Variants in BMPER observed in about 807,000 individuals in gnomAD.
BMPER encodes the protein BMP binding endothelial regulator.
In BMPER, 45 loss-of-function variants were observed where a neutral mutation model predicts 87.3. The observed-to-expected ratio is 0.52, with a 90% confidence interval of 0.41 to 0.66. The LOEUF (loss-of-function observed/expected upper bound fraction) is 0.66, where lower values mean the gene tolerates loss of function less well. BMPER is among the 30% of genes least tolerant of loss of function. BMPER has a pLI of 0.00. For synonymous variants in BMPER, 326 were observed against 316.2 expected, an observed-to-expected ratio of 1.03 and a Z score of -0.33; for missense variants, 784 against 867.5, an observed-to-expected ratio of 0.90 and a Z score of 1.21.
At chr7:34,040,144 A>G (rs558205797) in intron 6 of BMPER, among the ~76,000 whole-genome samples, 5 of 152,240 alleles carry the variant, frequency 3.3e-5, no homozygotes, top group Non-Finnish European at 7.4e-5. Flanking sequence ...GCTGGAGTAG[A>G]ATGTTGAGAT....
intron 6 of BMPER, among the ~76,000 whole-genome samples, chr7:33,975,737 A>T (rs967960980): frequency 6.6e-6 from 1 of 152,198 alleles, no homozygotes; most frequent in African/African-American, 2.4e-5. Flanking sequence ...TAAAAGGAAA[A>T]TACATGGGGA....
intron 1 of BMPER, 21 bp downstream of exon 1, chr7:33,905,767 G>GGTGGC: frequency 1.1e-6 from 1 of 914,084 alleles, no homozygotes; most frequent in Non-Finnish European, 1.7e-6. Context: ...GGGCGGGAGG[G>GGTGGC]ACCGGCCCTC....
At chr7:33,931,989 C>A (rs1055023976) in intron 2 of BMPER, among the ~76,000 whole-genome samples, 1 of 152,174 alleles carries the variant, frequency 6.6e-6, no homozygotes, top group Non-Finnish European at 1.5e-5. Flanking sequence ...TCCCCAAGAG[C>A]TTGTAGGTTT....
chr7:34,053,891 T>A (rs1030501912), intron 8 of BMPER, among the ~76,000 whole-genome samples: 1 of 152,192 alleles, frequency 6.6e-6, no homozygotes, highest in East Asian at 1.9e-4. Context: ...ATTGTAGTTT[T>A]CTGCATGCAG....
chr7:33,974,808 C>T (rs1289095187), intron 6 of BMPER, 24 bp downstream of exon 6: 2 of 1,609,074 alleles, frequency 1.2e-6, no homozygotes, highest in Admixed American at 1.7e-5. Flanking sequence ...TGGATGTTCC[C>T]AGGGTGTCCT....
rs115923184 is a variant in BMPER at position 34,111,071 on chromosome 7, T to C, written c.1745+24979T>C. 5.9e-3 allele frequency among the ~76,000 whole-genome samples: 906 copies of C among 152,352 alleles called. 8 individuals are homozygous for C. Among genetic ancestry groups the C allele is most frequent in the African/African-American group, 0.021 (879 of 41,590 alleles). ...AGGAAAGTAAATGCTGGGATTTCCA[T>C]AAGAAAGATTGATGCTTAAATTAGT... On this transcript the variant is annotated intron_variant, in intron 13 of 14. Transcript: ENST00000649409.
intron 3 of BMPER, among the ~76,000 whole-genome samples, chr7:33,956,086 A>G (rs773399587): frequency 6.6e-6 from 1 of 152,236 alleles, no homozygotes; most frequent in Non-Finnish European, 1.5e-5. Context: ...TGATTAGGTC[A>G]AAATTAATCA....
At chr7:33,973,897 C>G (rs1197269127) in intron 5 of BMPER, among the ~76,000 whole-genome samples, 2 of 152,146 alleles carry the variant, frequency 1.3e-5, no homozygotes, top group Non-Finnish European at 2.9e-5. Context: ...TTTATGACCT[C>G]TCTTTGGAAT....
intron 13 of BMPER, among the ~76,000 whole-genome samples, chr7:34,123,225 T>C (rs1337351432): frequency 6.6e-6 from 1 of 152,192 alleles, no homozygotes; most frequent in Non-Finnish European, 1.5e-5. Context: ...ACTAAAATTA[T>C]GTATCTTAGT....
At chr7:34,126,564 T>G (rs745789530) in intron 13 of BMPER, among the ~76,000 whole-genome samples, 13 of 152,198 alleles carry the variant, frequency 8.5e-5, no homozygotes, top group Non-Finnish European at 1.8e-4. Context: ...AGAAGGCGTA[T>G]GAGGATGTTT....
intron 3 of BMPER, among the ~76,000 whole-genome samples, chr7:33,940,880 T>TTATATATAATATTATATATATA (rs1784737138): frequency 7.1e-6 from 1 of 140,926 alleles, no homozygotes; most frequent in African/African-American, 2.6e-5. Flanking sequence ...TTATATATAT[T>TTATATATAATATTATATATATA]TATATATAAT....
intron 13 of BMPER, among the ~76,000 whole-genome samples, chr7:34,108,607 C>T (rs1789884294): frequency 6.6e-6 from 1 of 152,092 alleles, no homozygotes; most frequent in African/African-American, 2.4e-5. Flanking sequence ...TTAGTGTATC[C>T]CTGTAAACTT....
chr7:33,997,519 G>C (rs955614163), intron 6 of BMPER, among the ~76,000 whole-genome samples: 6 of 152,190 alleles, frequency 3.9e-5, no homozygotes, highest in African/African-American at 1.4e-4. Flanking sequence ...GCCTTGTGAA[G>C]AAGGTGCTTG....
intron 4 of BMPER, among the ~76,000 whole-genome samples, chr7:33,967,075 T>C (rs571970044): frequency 6.6e-6 from 1 of 152,352 alleles, no homozygotes; most frequent in South Asian, 2.1e-4. Context: ...CCACTGTGGT[T>C]GATCCTATTG....
chr7:34,013,692 C>T (rs1394979666), intron 6 of BMPER, among the ~76,000 whole-genome samples: 2 of 151,806 alleles, frequency 1.3e-5, no homozygotes, highest in Non-Finnish European at 2.9e-5. Flanking sequence ...TCATGAGCTT[C>T]CATCAGGAGG....
intron 11 of BMPER, among the ~76,000 whole-genome samples, chr7:34,075,723 T>C (rs1788847463): frequency 1.3e-5 from 2 of 152,210 alleles, no homozygotes; most frequent in African/African-American, 4.8e-5. Context: ...CTGAAGCTCA[T>C]TTCACTGGGT....
rs529006751 is a variant in BMPER at position 33,982,407 on chromosome 7, G to T, written c.576+7623G>T. The stretch of plus-strand genomic sequence containing the variant: ...TAGTGTGGGCCAAAAAGCCCCAGAG[G>T]AGTTTTCAAAACTAGTCTGAAATAT... On this transcript the variant is annotated intron_variant, in intron 6 of 14. Transcript: ENST00000649409. 2.6e-4 allele frequency among the ~76,000 whole-genome samples: 39 copies of T among 152,170 alleles called. 1 individual carries two copies. Among genetic ancestry groups the T allele is most frequent in the African/African-American group, 6.7e-4 (28 of 41,520 alleles).
chr7:34,087,616 G>A (rs966977817), intron 13 of BMPER, among the ~76,000 whole-genome samples: 2 of 152,196 alleles, frequency 1.3e-5, no homozygotes, highest in Non-Finnish European at 2.9e-5. Context: ...CACAATGCCT[G>A]CACATAGTCA....
At position 34,065,808 on chromosome 7, in the gene BMPER, A is replaced by G. The variant is rs75010412; in HGVS notation, c.1078+3761A>G. ...GAGTAATAAGCTTACTCCTGACTTC[A>G]TCATATATGTCCACTCTTACGTGTT... On this transcript the variant is annotated intron_variant, in intron 11 of 14. Coordinates refer to ENST00000649409, the MANE Select transcript of BMPER (RefSeq NM_001365308.1). 1.0e-3 allele frequency among the ~76,000 whole-genome samples: 159 copies of G among 152,340 alleles called. 1 individual carries two copies. The highest frequency in any genetic ancestry group is 3.7e-3 in the African/African-American group (155 of 41,576).
Sources: allele counts gnomAD v4.1 joint callset (sites outside exome capture counted in the v4.1 genomes callset), GRCh38; gene constraint gnomAD v4.1.1; transcripts MANE v1.5; gene names NCBI Gene and HGNC (gene_info 2026-07-23, HGNC 2026-07-21).